Variants in KIAA2012 observed in about 807,000 individuals in gnomAD.
The protein encoded by KIAA2012 is KIAA2012.
KIAA2012 carries 125 observed loss-of-function variants against 150.6 expected under a neutral mutation model. That is an observed-to-expected ratio of 0.83 (90% confidence interval 0.72 to 0.96). The LOEUF is 0.96. Among genes scored for constraint, KIAA2012 ranks in the 40% least tolerant of loss-of-function variants. The pLI is 0.00. For missense variants in KIAA2012, 1,219 were observed against 1,354.9 expected, an observed-to-expected ratio of 0.90 and a Z score of 1.57; for synonymous variants, 462 against 504.7, an observed-to-expected ratio of 0.92 and a Z score of 1.13.
Position 202,075,893 on chromosome 2 carries a change from G to A in KIAA2012, c.369+718G>A, listed in dbSNP as rs576423090. Among the ~76,000 whole-genome samples, 32 of 152,318 alleles carry A rather than the reference G, an allele frequency of 2.1e-4. No individual in the cohort carries two copies. In the South Asian group the frequency reaches 6.0e-3, roughly 29 times the overall value. On this transcript the variant is annotated intron_variant, in intron 2 of 23. Coordinates refer to ENST00000498697, the MANE Select transcript of KIAA2012 (RefSeq NM_001277372.4). ...CATTCCCCACAAAATAAAGTCATTA[G>A]CTTCTTCTATCAGGCCTTTCACACA...
chr2:202,113,243 C>A, intron 10 of KIAA2012, 93 bp from the exon 11 acceptor site: 1 of 902,932 alleles, frequency 1.1e-6, no homozygotes, highest in Non-Finnish European at 1.7e-6. Flanking sequence ...CGGGTGTGTG[C>A]CCGCGGGGGA....
chr2:202,119,528 A>ATT (rs1690609338), intron 11 of KIAA2012, among the ~76,000 whole-genome samples: 1 of 152,234 alleles, frequency 6.6e-6, no homozygotes, highest in African/African-American at 2.4e-5. Context: ...GCATTTAATC[A>ATT]GACTTTCTGA....
At chr2:202,139,053 G>A (rs183727403) in intron 13 of KIAA2012, among the ~76,000 whole-genome samples, 1 of 151,764 alleles carries the variant, frequency 6.6e-6, no homozygotes, top group African/African-American at 2.4e-5. Flanking sequence ...CCTGGCCAAC[G>A]TGGTGAAACC....
At chr2:202,170,064 A>C (rs950996915) in intron 15 of KIAA2012, among the ~76,000 whole-genome samples, 2 of 152,212 alleles carry the variant, frequency 1.3e-5, no homozygotes, top group Admixed American at 6.5e-5. Context: ...ACTTCCGGGG[A>C]AGGCTGGTCT....
At chr2:202,110,506 G>A (rs73053596) in intron 10 of KIAA2012, among the ~76,000 whole-genome samples, 4,969 of 152,290 alleles carry the variant, frequency 0.033, 257 homozygotes, top group African/African-American at 0.11. Context: ...ATGTGGTCCA[G>A]GCAGCTGTTT....
chr2:202,176,203 CT>C (rs5837808), intron 15 of KIAA2012, among the ~76,000 whole-genome samples: 47,157 of 145,488 alleles, frequency 0.32, 7,027 homozygotes, highest in Middle Eastern at 0.36. Flanking sequence ...ATTGATAAAT[CT>C]TTTTTTTTTT....
intron 14 of KIAA2012, among the ~76,000 whole-genome samples, chr2:202,161,977 A>G (rs189784018): frequency 1.3e-5 from 2 of 152,240 alleles, no homozygotes; most frequent in Admixed American, 1.3e-4. Context: ...TTAATCATGC[A>G]TTTGTAACTC....
intron 11 of KIAA2012, among the ~76,000 whole-genome samples, chr2:202,122,498 CTTTT>C (rs368758133): frequency 1.2e-4 from 14 of 119,194 alleles, no homozygotes; most frequent in Admixed American, 1.7e-4. Flanking sequence ...CAAATCCGCT[CTTTT>C]TTTTTTTTTT....
At chr2:202,097,314 G>A (rs2105919048) in intron 4 of KIAA2012, 121 bp from the exon 5 acceptor site, 3 of 1,438,784 alleles carry the variant, frequency 2.1e-6, no homozygotes, top group South Asian at 2.8e-5. Flanking sequence ...GGAGGAGGGG[G>A]AGCAAGGGAG....
intron 4 of KIAA2012, among the ~76,000 whole-genome samples, chr2:202,096,063 A>C (rs112437638): frequency 3.3e-5 from 5 of 152,050 alleles, no homozygotes; most frequent in African/African-American, 4.8e-5. Flanking sequence ...CAGCCTGGGC[A>C]ACAGAGTGAG....
At chr2:202,103,788 G>C (rs1025663984) in intron 8 of KIAA2012, among the ~76,000 whole-genome samples, 1 of 152,196 alleles carries the variant, frequency 6.6e-6, no homozygotes, top group Non-Finnish European at 1.5e-5. Flanking sequence ...ATTCCAACTG[G>C]CGACGTGGGC....
rs1229689290 is a variant in KIAA2012 at position 202,105,884 on chromosome 2, C to G, written c.1448C>G (p.Ala483Gly). 4 of 1,550,882 alleles carry G rather than the reference C, an allele frequency of 2.6e-6. No homozygotes were observed. The highest frequency in any genetic ancestry group is 3.5e-6 in the Non-Finnish European group (4 of 1,147,058). Residue 483 changes from alanine (A) to glycine (G), a missense_variant, in exon 9 of 24, where the codon GCG (alanine) becomes GGG (glycine). Transcript: ENST00000498697. ...WELTVHLPVD[A>G]SRDTLSPQDD... The stretch of plus-strand genomic sequence containing the variant: ...TTAACAGTGCATCTCCCAGTGGACG[C>G]GAGCAGGGACACACTCTCACCTCAA...
Position 202,193,355 on chromosome 2 carries a change from G to A in KIAA2012, c.2866G>A (p.Glu956Lys). The part of the protein sequence containing the change: ...EKASWDRLRA[E>K]RAEMRWLEVE... Reference sequence around the variant, plus strand: ...GGCTTCCTGGGACAGGCTTCGAGCAGAAAGAGCCGAGATGAGGTGGCTGGA... The same window carrying A: ...GGCTTCCTGGGACAGGCTTCGAGCAAAAAGAGCCGAGATGAGGTGGCTGGA... The change falls in exon 20 of 24, where the codon GAA becomes AAA. Residue 956 changes from glutamate to lysine, a missense_variant. Physicochemically the swap from Glu to Lys is moderately conservative, Grantham distance 56 (BLOSUM62 1). Transcript: ENST00000498697. 1 of 1,550,244 alleles carries A rather than the reference G, an allele frequency of 6.5e-7. No individual in the cohort carries two copies. Among genetic ancestry groups the A allele is most frequent in the South Asian group, 1.2e-5 (1 of 84,040 alleles).
Position 202,184,759 on chromosome 2 carries a change from A to G in KIAA2012, c.2126A>G (p.Glu709Gly), listed in dbSNP as rs767513267. 6.5e-7 allele frequency: 1 copy of G among 1,539,346 alleles called. No homozygotes were observed. Residue 709 changes from glutamate (E) to glycine (G), a missense_variant, in exon 16 of 24, where the codon GAG becomes GGG. By Grantham distance (98) the Glu-to-Gly change is moderately conservative. Transcript: ENST00000498697. The stretch of plus-strand genomic sequence containing the variant: ...TGATACTCTGTTTTCACAGACCCAG[A>G]GCCAAGGAGTATGACCCTTGACTCT... ...RETHHNDQDP[E>G]PRSMTLDSPR...
At chr2:202,192,083 C>T (rs1692334236) in intron 19 of KIAA2012, among the ~76,000 whole-genome samples, 1 of 152,194 alleles carries the variant, frequency 6.6e-6, no homozygotes, top group Non-Finnish European at 1.5e-5. Context: ...TCCCAGCTTC[C>T]TGGATCACAC....
At chr2:202,128,175 T>C (rs1690843157) in intron 12 of KIAA2012, among the ~76,000 whole-genome samples, 1 of 152,162 alleles carries the variant, frequency 6.6e-6, no homozygotes, top group South Asian at 2.1e-4. Flanking sequence ...ATGTGCACAA[T>C]GAACCATGCT....
At chr2:202,146,965 AT>A in intron 13 of KIAA2012, among the ~76,000 whole-genome samples, 1 of 152,236 alleles carries the variant, frequency 6.6e-6, no homozygotes, top group African/African-American at 2.4e-5. Context: ...GATTCACACA[AT>A]GCTTGGCAGT....
chr2:202,201,506 AG>A, intron 22 of KIAA2012: 1 of 1,606,916 alleles, frequency 6.2e-7, no homozygotes, highest in South Asian at 1.1e-5. Flanking sequence ...CAGGAGGTGG[AG>A]GAAGAATGTT....
In KIAA2012 at chr2:202,097,541, G is replaced by A; in HGVS notation, c.792G>A (p.Arg264=). 1.3e-6 allele frequency: 2 copies of A among 1,550,408 alleles called. No individual in the cohort carries two copies. Among genetic ancestry groups the A allele is most frequent in the South Asian group, 1.2e-5 (1 of 84,052 alleles). ...AGGGGACTCGCTTGCCACCACGCAG[G>A]AAGCAGCCCTGGCAGGAAGATGAAA... ...GSQGTRLPPR[R]KQPWQEDETQ... is the part of the protein sequence containing the mutation. The change falls in exon 5 of 24, where the codon AGG becomes AGA. Residue 264 remains arginine (R), a synonymous_variant. Coordinates refer to ENST00000498697, the MANE Select transcript of KIAA2012 (RefSeq NM_001277372.4).
Sources: allele counts gnomAD v4.1 joint callset (sites outside exome capture counted in the v4.1 genomes callset), GRCh38; gene constraint gnomAD v4.1.1; transcripts MANE v1.5; gene names NCBI Gene and HGNC (gene_info 2026-07-23, HGNC 2026-07-21).